TBC1D30: variants seen among roughly 807,000 people sequenced by gnomAD.
The protein encoded by TBC1D30 is TBC1 domain family, member 30.
In TBC1D30, 31 loss-of-function variants were observed where a neutral mutation model predicts 63.2. That is an observed-to-expected ratio of 0.49 (90% CI 0.37 to 0.66). The LOEUF (loss-of-function observed/expected upper bound fraction) is 0.66. Among genes scored for constraint, TBC1D30 ranks in the 30% least tolerant of loss-of-function variants. The pLI, the probability that TBC1D30 is intolerant of heterozygous loss-of-function variation, is 0.00. For missense variants in TBC1D30, 810 were observed against 953.6 expected (o/e 0.85, Z 1.98); for synonymous variants, 307 against 361.5 (o/e 0.85, Z 1.71).
chr12:64,840,004 CAA>C (rs60440376), intron 7 of TBC1D30, among the ~76,000 whole-genome samples: 1 of 98,322 alleles, frequency 1.0e-5, no homozygotes, highest in African/African-American at 5.2e-5. Context: ...GACTCTGTCT[CAA>C]AAAAAAAAAA....
chr12:64,830,258 A>T (rs1029622759), intron 3 of TBC1D30, 119 bp from the exon 4 acceptor site: 1 of 965,124 alleles, frequency 1.0e-6, no homozygotes, highest in East Asian at 2.7e-5. Flanking sequence ...CTTATGAGCG[A>T]TAGATAGCTG....
chr12:64,856,179 C>T (rs1350394534), intron 8 of TBC1D30, among the ~76,000 whole-genome samples: 2 of 151,352 alleles, frequency 1.3e-5, no homozygotes, highest in Non-Finnish European at 1.5e-5. Context: ...GGGGTGGGGG[C>T]GGTGCCACAC....
At chr12:64,838,993 C>G in intron 7 of TBC1D30, 142 bp downstream of exon 7, 4 of 803,964 alleles carry the variant, frequency 5.0e-6, no homozygotes, top group Non-Finnish European at 7.6e-6. Flanking sequence ...GAAATCTCAG[C>G]AGGCTCATTG....
intron 3 of TBC1D30, among the ~76,000 whole-genome samples, chr12:64,828,801 G>C (rs1351924437): frequency 2.0e-5 from 3 of 152,170 alleles, no homozygotes; most frequent in Non-Finnish European, 4.4e-5. Context: ...TAAAAATAAA[G>C]TGTAGAGAGA....
chr12:64,790,974 A>C (rs1306571393), intron 2 of TBC1D30, among the ~76,000 whole-genome samples: 2 of 152,198 alleles, frequency 1.3e-5, no homozygotes, highest in African/African-American at 4.8e-5. Context: ...CCCCACAAAA[A>C]CTTGTACAAA....
At chr12:64,822,055 T>C (rs569188528), upstream of TBC1D30, among the ~76,000 whole-genome samples, 13 of 152,342 alleles carry the variant, frequency 8.5e-5, no homozygotes, top group African/African-American at 2.6e-4. Context: ...ATTCTTAGGG[T>C]TGCACCATTT....
chr12:64,811,666 GC>G (rs1228829135), intron 2 of TBC1D30, among the ~76,000 whole-genome samples: 2 of 152,138 alleles, frequency 1.3e-5, no homozygotes, highest in Non-Finnish European at 2.9e-5. Context: ...AGTATTTGTA[GC>G]CCTTACCTGA....
intron 10 of TBC1D30, among the ~76,000 whole-genome samples, chr12:64,867,590 T>A (rs566692146): frequency 6.6e-6 from 1 of 152,306 alleles, no homozygotes; most frequent in East Asian, 1.9e-4. Flanking sequence ...TGACTTTTGC[T>A]CCCATGCATT....
At chr12:64,802,717 G>A (rs548109681) in intron 2 of TBC1D30, among the ~76,000 whole-genome samples, 27 of 152,094 alleles carry the variant, frequency 1.8e-4, no homozygotes, top group Admixed American at 7.9e-4. Flanking sequence ...TCATTGTTCA[G>A]TTCCCACCTA....
At chr12:64,802,858 G>T (rs1872661571) in intron 2 of TBC1D30, among the ~76,000 whole-genome samples, 2 of 152,160 alleles carry the variant, frequency 1.3e-5, no homozygotes, top group Non-Finnish European at 1.5e-5. Flanking sequence ...AGTATTCCAT[G>T]GTGTGTATGT....
chr12:64,849,616 T>C (rs985285798), intron 8 of TBC1D30, among the ~76,000 whole-genome samples: 3 of 152,228 alleles, frequency 2.0e-5, no homozygotes, highest in Non-Finnish European at 4.4e-5. Context: ...GCCTCTGTTC[T>C]GTTCCATTGG....
intron 2 of TBC1D30, among the ~76,000 whole-genome samples, chr12:64,803,372 A>G (rs1219910602): frequency 2.6e-5 from 4 of 152,042 alleles, no homozygotes; most frequent in Non-Finnish European, 5.9e-5. Context: ...AAATTTGTTT[A>G]AGTTCTTTGT....
intron 6 of TBC1D30, 106 bp downstream of exon 6, chr12:64,836,764 G>T (rs1056327739): frequency 8.9e-7 from 1 of 1,128,556 alleles, no homozygotes; most frequent in African/African-American, 1.6e-5. Flanking sequence ...AGCTATTTTT[G>T]TAAGAGCTTG....
chr12:64,833,226 A>G (rs945311779), intron 5 of TBC1D30, among the ~76,000 whole-genome samples: 1 of 152,206 alleles, frequency 6.6e-6, no homozygotes, highest in African/African-American at 2.4e-5. Context: ...GCATTATGGA[A>G]TTGACTTACA....
At chr12:64,797,459 G>A (rs1872347664) in intron 2 of TBC1D30, among the ~76,000 whole-genome samples, 1 of 152,084 alleles carries the variant, frequency 6.6e-6, no homozygotes, top group African/African-American at 2.4e-5. Context: ...TTTTCACCTT[G>A]CAAAACCCCA....
chr12:64,874,560 C>T (rs1272710321), intron 11 of TBC1D30, among the ~76,000 whole-genome samples: 1 of 152,160 alleles, frequency 6.6e-6, no homozygotes, highest in Non-Finnish European at 1.5e-5. Context: ...TCATAATATG[C>T]AGTGTGTTCT....
At chr12:64,871,858 T>A (rs2136479589) in intron 11 of TBC1D30, among the ~76,000 whole-genome samples, 1 of 152,334 alleles carries the variant, frequency 6.6e-6, no homozygotes, top group African/African-American at 2.4e-5. Flanking sequence ...GTGTTCTGAT[T>A]CTTTGTACAG....
intron 10 of TBC1D30, chr12:64,868,169 T>C (rs756836648): frequency 6.2e-5 from 10 of 162,324 alleles, no homozygotes; most frequent in African/African-American, 7.2e-5. Context: ...TACCAAGAGA[T>C]TGAGCAATCA....
intron 2 of TBC1D30, among the ~76,000 whole-genome samples, chr12:64,807,855 T>C (rs1872960875): frequency 1.3e-5 from 2 of 151,178 alleles, no homozygotes; most frequent in Admixed American, 1.3e-4. Context: ...AAGGAAGGCA[T>C]CTTCCTGCCT....
Sources: allele counts gnomAD v4.1 joint callset (sites outside exome capture counted in the v4.1 genomes callset), GRCh38; gene constraint gnomAD v4.1.1; transcripts MANE v1.5; gene names NCBI Gene and HGNC (gene_info 2026-07-23, HGNC 2026-07-21).